The following C2CD5 variants were observed in gnomAD, a reference collection of about 807,000 sequenced individuals.
C2CD5 encodes the protein C2 calcium dependent domain containing 5, also known as C2 domain-containing protein 5.
A neutral mutation model predicts 130.3 loss-of-function variants in C2CD5; 109 were observed. The observed-to-expected ratio is 0.84, with a 90% CI of 0.72 to 0.98. The LOEUF is 0.98. C2CD5 is among the 50% of genes least tolerant of loss of function. The probability of loss-of-function intolerance (pLI) is 0.00; values close to 1 mark genes in which losing one functional copy is unlikely to be tolerated. For synonymous variants in C2CD5, 454 were observed against 429.2 expected (o/e 1.06, Z -0.71); for missense variants, 996 against 1,261.8 (o/e 0.79, Z 3.19).
chr12:22,493,429 A>G, intron 10 of C2CD5, 92 bp from the exon 11 acceptor site: 1 of 630,218 alleles, frequency 1.6e-6, no homozygotes, highest in Non-Finnish European at 2.7e-6. Context: ...ATGGGAAGTA[A>G]AGAAGTTTTA....
chr12:22,480,255 T>C (rs1487484630), intron 14 of C2CD5, among the ~76,000 whole-genome samples: 1 of 152,230 alleles, frequency 6.6e-6, no homozygotes, highest in Non-Finnish European at 1.5e-5. Context: ...TTCTAACACA[T>C]GTAACCACAT....
chr12:22,504,059 C>T (rs1325884159), intron 10 of C2CD5, among the ~76,000 whole-genome samples: 1 of 152,076 alleles, frequency 6.6e-6, no homozygotes, highest in Non-Finnish European at 1.5e-5. Context: ...ACACAAAACA[C>T]ATTCTGTAAT....
chr12:22,536,278 G>T (rs984197775), intron 2 of C2CD5, among the ~76,000 whole-genome samples: 1 of 152,120 alleles, frequency 6.6e-6, no homozygotes, highest in South Asian at 2.1e-4. Flanking sequence ...GAGAGGCTGT[G>T]AAAGAGAAGC....
intron 24 of C2CD5, 101 bp downstream of exon 24, chr12:22,458,383 T>A (rs1490008507): frequency 2.2e-6 from 1 of 450,736 alleles, no homozygotes; most frequent in African/African-American, 2.0e-5. Context: ...ACATGATGGA[T>A]TGGCAATGTT....
At chr12:22,477,569 TG>T (rs1238160661) in intron 15 of C2CD5, among the ~76,000 whole-genome samples, 3 of 152,154 alleles carry the variant, frequency 2.0e-5, no homozygotes, top group African/African-American at 7.2e-5. Context: ...TGTGCAGGTT[TG>T]TTACATATGT....
chr12:22,527,751 C>A lies in C2CD5; in HGVS notation c.319G>T (p.Gly107Ter). The A allele has an allele frequency of 6.3e-7, 1 of 1,594,464 alleles. No homozygotes were observed. The change falls in exon 4 of 27, where the codon GGA becomes TGA. Residue 107 changes from glycine to a stop codon, truncating the protein, a stop_gained. Transcript: ENST00000446597. LOFTEE classifies it high-confidence loss of function. ...LYSEAATVIS[G>*]WFPIYDTIHG... is the part of the protein sequence containing the mutation. Reference sequence around the variant, plus strand: ...ATGGTGTCATAAATTGGAAACCATCCTGAGATGACTGTTGCAGCTTCACTA... The same window carrying A: ...ATGGTGTCATAAATTGGAAACCATCATGAGATGACTGTTGCAGCTTCACTA...
chr12:22,489,704 T>C (rs1435177669), intron 12 of C2CD5, among the ~76,000 whole-genome samples: 2 of 152,168 alleles, frequency 1.3e-5, no homozygotes, highest in Non-Finnish European at 2.9e-5. Context: ...ATAATCTTGA[T>C]AAAATGCAGT....
intron 8 of C2CD5, chr12:22,514,946 A>G (rs1454767077): frequency 2.0e-6 from 2 of 981,036 alleles, no homozygotes; most frequent in African/African-American, 3.5e-5. Context: ...AAGCTGACAT[A>G]ATGTGATCCT....
chr12:22,542,018 G>C (rs1952437871), intron 2 of C2CD5, among the ~76,000 whole-genome samples: 1 of 152,130 alleles, frequency 6.6e-6, no homozygotes, highest in Admixed American at 6.6e-5. Context: ...AATCCACCTA[G>C]TTATCAAGGC....
intron 8 of C2CD5, among the ~76,000 whole-genome samples, chr12:22,515,338 A>G (rs1949610399): frequency 6.6e-6 from 1 of 152,204 alleles, no homozygotes; most frequent in Non-Finnish European, 1.5e-5. Flanking sequence ...AATAACAGGC[A>G]TAGTCTAAAA....
At chr12:22,453,496 C>G (rs1406722842) in intron 26 of C2CD5, among the ~76,000 whole-genome samples, 1 of 152,128 alleles carries the variant, frequency 6.6e-6, no homozygotes. Flanking sequence ...TAGAAATAAG[C>G]AAGCCTTACT....
At chr12:22,471,853 A>G in intron 19 of C2CD5, 114 bp downstream of exon 19, 2 of 670,876 alleles carry the variant, frequency 3.0e-6, no homozygotes, top group South Asian at 3.4e-5. Context: ...GTAAGTAGGT[A>G]AGAATGATTC....
chr12:22,457,126 C>G lies in C2CD5; in HGVS notation c.2722G>C (p.Gly908Arg). Residue 908 changes from glycine to arginine, a missense_variant, in exon 25 of 27, where the codon GGA becomes CGA. Physicochemically the swap from Gly to Arg is moderately radical, Grantham distance 125 (BLOSUM62 -2). Transcript: ENST00000446597. ...GGAGCAGAACGATTCCGGAAATTTCCATCACCCACTGGACTTGCTTTTTCA... is the reference window on the plus strand; with the variant it reads ...GGAGCAGAACGATTCCGGAAATTTCGATCACCCACTGGACTTGCTTTTTCA... Reference protein sequence around the residue: ...TVEKASPVGDGNFRNRSAPPC... With the variant: ...TVEKASPVGDRNFRNRSAPPC... 6.2e-7 allele frequency: 1 copy of G among 1,609,034 alleles called. No homozygotes were observed. Among genetic ancestry groups the G allele is most frequent in the Non-Finnish European group, 8.5e-7 (1 of 1,177,942 alleles).
intron 16 of C2CD5, among the ~76,000 whole-genome samples, chr12:22,473,794 A>G (rs1943412745): frequency 6.6e-6 from 1 of 152,208 alleles, no homozygotes; most frequent in Non-Finnish European, 1.5e-5. Context: ...TGACGCCACA[A>G]GTAGGCACAT....
intron 10 of C2CD5, among the ~76,000 whole-genome samples, chr12:22,505,260 T>C (rs1006978892): frequency 2.1e-5 from 3 of 145,800 alleles, no homozygotes; most frequent in Admixed American, 2.0e-4. Flanking sequence ...CTTTCTTTTT[T>C]TTTTTTTTTT....
rs1489060673 is a variant in C2CD5 at position 22,469,718 on chromosome 12, G to A, written c.2524C>T (p.Pro842Ser). 1.9e-6 allele frequency: 3 copies of A among 1,597,628 alleles called. No individual in the cohort carries two copies. The highest frequency in any genetic ancestry group is 2.6e-6 in the Non-Finnish European group (3 of 1,171,414). Residue 842 changes from proline (P) to serine (S), a missense_variant, in exon 22 of 27, where the codon CCA becomes TCA. Around this residue, in one of 9 missense-constraint regions of C2CD5, gnomAD observed 590 missense variants for 631.4 expected, o/e 0.93. Coordinates refer to ENST00000446597, the MANE Select transcript of C2CD5 (RefSeq NM_001286176.2). ...CCCTCACTTAACCAACCTTTAGCTG[G>A]TGGAAAAGGATGAGAAGGAAGTGAA... is the stretch of plus-strand genomic sequence containing the variant. ...SDSLPSHPFP[P>S]AKEHLESASS...
In C2CD5 at chr12:22,469,712, T is replaced by G; in HGVS notation, c.2530A>C (p.Lys844Gln). Reference sequence around the variant, plus strand: ...CTTTTTCCCTCACTTAACCAACCTTTAGCTGGTGGAAAAGGATGAGAAGGA... The same window carrying G: ...CTTTTTCCCTCACTTAACCAACCTTGAGCTGGTGGAAAAGGATGAGAAGGA... ...SLPSHPFPPA[K>Q]EHLESASSNS... The change falls in exon 22 of 27, where the codon AAA becomes CAA. Residue 844 changes from lysine to glutamine, a missense_variant. Transcript: ENST00000446597. The G allele has an allele frequency of 6.3e-7, 1 of 1,595,870 alleles. No homozygotes were observed. Among genetic ancestry groups the G allele is most frequent in the Non-Finnish European group, 8.5e-7 (1 of 1,170,084 alleles).
intron 24 of C2CD5, among the ~76,000 whole-genome samples, chr12:22,457,952 T>A (rs764153780): frequency 6.6e-6 from 1 of 152,120 alleles, no homozygotes; most frequent in African/African-American, 2.4e-5. Context: ...AATGTAGTTT[T>A]TTCCCCCTTT....
chr12:22,544,133 C>T lies in C2CD5; in HGVS notation c.18G>A (p.Lys6=). 6.2e-7 allele frequency: 1 copy of T among 1,614,072 alleles called. No homozygotes were observed. Among genetic ancestry groups the T allele is most frequent in the Non-Finnish European group, 8.5e-7 (1 of 1,179,952 alleles). The change falls in exon 2 of 27, where the codon AAG becomes AAA. Residue 6 remains lysine, a synonymous_variant. Transcript: ENST00000446597. ...AATGGCGCCCGGCCACGATTTTCACCTTCAGCTTCCCTGGCATGGTCTCGG... is the reference window on the plus strand; with the variant it reads ...AATGGCGCCCGGCCACGATTTTCACTTTCAGCTTCCCTGGCATGGTCTCGG... MPGKL[K]VKIVAGRHLP...
Sources: allele counts gnomAD v4.1 joint callset (sites outside exome capture counted in the v4.1 genomes callset), GRCh38; gene constraint gnomAD v4.1.1; regional missense constraint gnomAD v4.1.1; transcripts MANE v1.5; gene names NCBI Gene and HGNC (gene_info 2026-07-23, HGNC 2026-07-21).